The following TENT4A variants were observed in gnomAD, a reference collection of about 807,000 sequenced individuals.
TENT4A encodes terminal nucleotidyltransferase 4A.
TENT4A carries 7 observed loss-of-function variants against 72.8 expected under a neutral mutation model. The ratio of observed to expected loss-of-function variants is 0.10; its 90% confidence interval spans 0.05 to 0.18. The LOEUF is 0.18. Ranked by LOEUF, TENT4A falls within the 10% of genes least tolerant of loss-of-function variation. The pLI is 1.00. For missense variants in TENT4A, 831 were observed against 1,017.7 expected, an observed-to-expected ratio of 0.82 and a Z score of 2.50; for synonymous variants, 456 against 434.3, an observed-to-expected ratio of 1.05 and a Z score of -0.62.
intron 1 of TENT4A, among the ~76,000 whole-genome samples, chr5:6,720,050 C>T (rs973881454): frequency 1.3e-5 from 2 of 152,162 alleles, no homozygotes; most frequent in Admixed American, 6.5e-5. Context: ...TTGCTAGCTG[C>T]CAGCAGGGGA....
In TENT4A at chr5:6,751,061, C is replaced by T; in HGVS notation, c.1883C>T (p.Thr628Ile). 2 of 1,614,232 alleles carry T rather than the reference C, an allele frequency of 1.2e-6. No individual in the cohort carries two copies. The highest frequency in any genetic ancestry group is 1.7e-6 in the Non-Finnish European group (2 of 1,180,050). The stretch of plus-strand genomic sequence containing the variant: ...AAGGATTCAGACACACCGCCCTGCA[C>T]AACGCCCAGTGTTTACCAGTTCAGT... ...SDVDSDTPPC[T>I]TPSVYQFSLQ... The change falls in exon 11 of 13, where the codon ACA (threonine) becomes ATA (isoleucine). Residue 628 changes from threonine (T) to isoleucine (I), a missense_variant. Thr to Ile is a moderately conservative substitution (Grantham distance 89). Around this residue, in one of 3 missense-constraint regions of TENT4A, gnomAD observed 332 missense variants for 324.3 expected, o/e 1.02. Transcript: ENST00000230859.
chr5:6,715,690 A>C (rs1021516736), intron 1 of TENT4A, among the ~76,000 whole-genome samples: 2 of 152,226 alleles, frequency 1.3e-5, no homozygotes, highest in Non-Finnish European at 2.9e-5. Flanking sequence ...GAGTTCTTAT[A>C]GTAAACTTTT....
intron 1 of TENT4A, among the ~76,000 whole-genome samples, chr5:6,716,701 C>T (rs1022169623): frequency 4.6e-5 from 7 of 152,214 alleles, no homozygotes; most frequent in African/African-American, 1.7e-4. Flanking sequence ...GCTCAGATGC[C>T]CCTAGGTCCT....
chr5:6,714,649 G>A lies in TENT4A; in HGVS notation c.666G>A (p.Pro222=). 1 of 1,198,870 alleles carries A rather than the reference G, an allele frequency of 8.3e-7. No individual in the cohort carries two copies. The highest frequency in any genetic ancestry group is 1.0e-6 in the Non-Finnish European group (1 of 966,770). 74.3% of individuals were successfully genotyped at this position (1,198,870 alleles called of 1,614,324 possible). A position where few individuals can be genotyped will look rare whatever the true frequency, so the allele number is the denominator to read the frequency against. Residue 222 remains proline (P), a synonymous_variant, in exon 1 of 13, where the codon CCG becomes CCA. Transcript: ENST00000230859. ...SGGGGPGAQA[P]RPGTPWKSRA... is the part of the protein sequence containing the mutation. ...GGGGCGGCCCCGGGGCCCAGGCGCC[G>A]CGGCCCGGCACCCCGTGGAAGAGCC...
rs561364679 is a variant in TENT4A at position 6,750,434 on chromosome 5, G to A, written c.1791G>A (p.Leu597=). Residue 597 remains leucine (L), a synonymous_variant, in exon 10 of 13, where the codon CTG becomes CTA. Transcript: ENST00000230859. ...SPYGQRLTLS[L]SSPQLLSSGS... is the part of the protein sequence containing the mutation. The stretch of plus-strand genomic sequence containing the variant: ...ATGGCCAGCGCTTGACTTTGTCGCT[G>A]TCCAGCCCCCAGCTCCTGTCTTCAG... 5.0e-6 allele frequency: 8 copies of A among 1,612,598 alleles called. No homozygotes were observed. In the East Asian group the frequency reaches 1.8e-4, roughly 36 times the overall value.
At chr5:6,738,799 C>G in intron 3 of TENT4A, 70 bp downstream of exon 3, 2 of 1,102,110 alleles carry the variant, frequency 1.8e-6, no homozygotes, top group Non-Finnish European at 2.8e-6. Context: ...TTAAGGGCTA[C>G]AAATAGATTC....
At chr5:6,748,669 C>T (rs561792873) in intron 8 of TENT4A, 79 bp downstream of exon 8, 10 of 1,434,776 alleles carry the variant, frequency 7.0e-6, no homozygotes, top group Non-Finnish European at 9.6e-6. Context: ...CATTTACCTC[C>T]ATGAAATTTA....
chr5:6,724,975 A>G (rs1028909838), intron 1 of TENT4A, among the ~76,000 whole-genome samples: 11 of 152,236 alleles, frequency 7.2e-5, no homozygotes, highest in African/African-American at 2.7e-4. Context: ...CTGTCTCTTT[A>G]GCCACTGGAA....
At position 6,748,588 on chromosome 5, in the gene TENT4A, A is replaced by C. The variant is rs2126652354; in HGVS notation, c.1584A>C (p.Glu528Asp). 1 of 1,612,864 alleles carries C rather than the reference A, an allele frequency of 6.2e-7. No individual in the cohort carries two copies. The highest frequency in any genetic ancestry group is 2.2e-5 in the East Asian group (1 of 44,798). ...GGTCCTATCCAAACAGAGACGCCGA[A>C]AGGTAATGGGTTGTGTGTCTGCGTC... is the stretch of plus-strand genomic sequence containing the variant. ...LARSYPNRDAESTLGRIIKVT... is the reference protein window; with the variant it reads ...LARSYPNRDADSTLGRIIKVT... The change falls in exon 8 of 13, where the codon GAA (glutamate) becomes GAC (aspartate). Residue 528 changes from glutamate to aspartate, a missense_variant and splice_region_variant. By Grantham distance (45) the Glu-to-Asp change is conservative. Around this residue, in one of 3 missense-constraint regions of TENT4A, gnomAD observed 197 missense variants for 399.6 expected, o/e 0.49. Transcript: ENST00000230859.
At chr5:6,728,712 G>C (rs1008410654) in intron 1 of TENT4A, among the ~76,000 whole-genome samples, 31 of 152,362 alleles carry the variant, frequency 2.0e-4, no homozygotes, top group Middle Eastern at 3.4e-3. Context: ...TAGTGTAAAG[G>C]CTGGGGGATA....
intron 1 of TENT4A, among the ~76,000 whole-genome samples, chr5:6,724,664 GC>G (rs908547948): frequency 3.3e-5 from 5 of 152,176 alleles, no homozygotes; most frequent in African/African-American, 1.2e-4. Context: ...AGTAAAAAGC[GC>G]GTTTTAGGAT....
At chr5:6,723,751 G>A (rs1029780389) in intron 1 of TENT4A, among the ~76,000 whole-genome samples, 1 of 152,178 alleles carries the variant, frequency 6.6e-6, no homozygotes, top group Non-Finnish European at 1.5e-5. Flanking sequence ...GACAGCCACC[G>A]CAGGACAAAG....
At chr5:6,752,064 T>G (rs1742435447) in intron 11 of TENT4A, among the ~76,000 whole-genome samples, 7 of 152,338 alleles carry the variant, frequency 4.6e-5, no homozygotes, top group Middle Eastern at 3.4e-3. Flanking sequence ...TTATTTACAC[T>G]CTTAAAATGA....
rs145475863 is a variant in TENT4A, at chr5:6,737,627, G to A, written c.834G>A (p.Thr278=). 2.2e-5 allele frequency: 35 copies of A among 1,613,706 alleles called. No individual in the cohort carries two copies. The highest frequency in any genetic ancestry group is 1.8e-4 in the East Asian group (8 of 44,896). ...CTGTGGTGAAAGACCTTTGGCCGAC[G>A]GCTGATGTGAGTATGTTCTTTGGAG... ...IETVVKDLWP[T]ADVQIFGSFS... is the part of the protein sequence containing the mutation. The change falls in exon 2 of 13, where the codon ACG becomes ACA. Residue 278 remains threonine, a synonymous_variant. Transcript: ENST00000230859.
chr5:6,733,194 G>A (rs75475616), intron 1 of TENT4A, among the ~76,000 whole-genome samples: 3,104 of 152,368 alleles, frequency 0.02, 38 homozygotes, highest in Non-Finnish European at 0.029. Context: ...CCAGAGGGCT[G>A]TGTGCCAACT....
chr5:6,714,004 G>A lies in TENT4A; in HGVS notation c.21G>A (p.Trp7Ter). The A allele has an allele frequency of 1.0e-6, 1 of 982,368 alleles. No individual in the cohort carries two copies. The highest frequency in any genetic ancestry group is 1.2e-6 in the Non-Finnish European group (1 of 829,206). The allele number at this position is 982,368 out of a possible 1,614,324, so 60.9% of individuals were successfully genotyped here. A position where few individuals can be genotyped will look rare whatever the true frequency, so the allele number is the denominator to read the frequency against. MDPRVA[W>*]IQPEQKGPAN... ...CGTGGATGGATCCGCGCGTGGCCTG[G>A]ATCCAGCCCGAGCAGAAGGGGCCGG... The change falls in exon 1 of 13, where the codon TGG (tryptophan) becomes TGA (stop). Residue 7 changes from tryptophan to a stop codon, truncating the protein, a stop_gained. Transcript: ENST00000230859. LOFTEE classifies it high-confidence loss of function.
At position 6,714,517 on chromosome 5, in the gene TENT4A, G is replaced by T. The variant is rs1343610941; in HGVS notation, c.534G>T (p.Pro178=). ...GPRGPAPAGS[P]SQHQFHPGRR... ...GCGGCCCCGCGCCCGCCGGCTCCCC[G>T]TCGCAGCACCAGTTCCACCCGGGTC... The change falls in exon 1 of 13, where the codon CCG becomes CCT. Residue 178 remains proline (P), a synonymous_variant. Transcript: ENST00000230859. 1.7e-6 allele frequency: 2 copies of T among 1,189,258 alleles called. No homozygotes were observed. Among genetic ancestry groups the T allele is most frequent in the East Asian group, 7.2e-5 (2 of 27,830 alleles). 73.7% of individuals were successfully genotyped at this position (1,189,258 alleles called of 1,614,324 possible).
intron 11 of TENT4A, 147 bp from the exon 12 acceptor site, chr5:6,752,726 T>C (rs1742476071): frequency 1.6e-6 from 1 of 610,838 alleles, no homozygotes; most frequent in South Asian, 2.3e-5. Context: ...ACAATATTGT[T>C]AGGTAATAGT....
intron 4 of TENT4A, among the ~76,000 whole-genome samples, chr5:6,741,427 G>C (rs981671637): frequency 1.3e-5 from 2 of 152,234 alleles, no homozygotes; most frequent in African/African-American, 4.8e-5. Context: ...AGTAGGGCAG[G>C]AGAGTGCCAG....
Sources: allele counts gnomAD v4.1 joint callset (sites outside exome capture counted in the v4.1 genomes callset), GRCh38; gene constraint gnomAD v4.1.1; regional missense constraint gnomAD v4.1.1; transcripts MANE v1.5; gene names NCBI Gene and HGNC (gene_info 2026-07-23, HGNC 2026-07-21).